The following FOXP2 variants were observed in gnomAD, a reference collection of about 807,000 sequenced individuals.
FOXP2 encodes the protein forkhead box protein P2.
A neutral mutation model predicts 115.8 loss-of-function variants in FOXP2; 12 were observed. That is an observed-to-expected ratio of 0.10 (90% CI 0.07 to 0.17). The LOEUF is 0.17. FOXP2 is among the 10% of genes least tolerant of loss of function. FOXP2 has a pLI of 1.00. For missense variants in FOXP2, 629 were observed against 843.5 expected (o/e 0.75, Z 3.15); for synonymous variants, 328 against 297.7 (o/e 1.10, Z -1.05).
chr7:114,149,888 G>A (rs1364286574), intron 1 of FOXP2, among the ~76,000 whole-genome samples: 1 of 151,946 alleles, frequency 6.6e-6, no homozygotes, highest in African/African-American at 2.4e-5. Context: ...TAGTGAAATA[G>A]AGCCAGGAAA....
intron 2 of FOXP2, among the ~76,000 whole-genome samples, chr7:114,375,040 G>A (rs1792107846): frequency 6.6e-6 from 1 of 151,916 alleles, no homozygotes; most frequent in African/African-American, 2.4e-5. Context: ...ACACAGAAAA[G>A]TTATATTTTA....
intron 2 of FOXP2, among the ~76,000 whole-genome samples, chr7:114,488,858 T>G (rs1212150152): frequency 6.6e-6 from 1 of 152,170 alleles, no homozygotes; most frequent in South Asian, 2.1e-4. Flanking sequence ...ACTAAATAAC[T>G]TCTGGGAGGC....
intron 1 of FOXP2, among the ~76,000 whole-genome samples, chr7:114,251,963 C>T (rs2129169591): frequency 6.6e-6 from 1 of 152,224 alleles, no homozygotes; most frequent in Non-Finnish European, 1.5e-5. Flanking sequence ...GAGATACATC[C>T]CATCAATACC....
intron 2 of FOXP2, among the ~76,000 whole-genome samples, chr7:114,404,345 G>T (rs1295206723): frequency 3.9e-5 from 6 of 152,010 alleles, no homozygotes; most frequent in African/African-American, 1.4e-4. Flanking sequence ...GTTTGTAACG[G>T]AAAATATCCT....
intron 2 of FOXP2, among the ~76,000 whole-genome samples, chr7:114,354,783 T>A: frequency 6.6e-6 from 1 of 152,166 alleles, no homozygotes; most frequent in East Asian, 1.9e-4. Flanking sequence ...AGTTTTGAAA[T>A]CACATATATG....
chr7:114,608,105 TA>T (rs1179926866), intron 3 of FOXP2, among the ~76,000 whole-genome samples: 8 of 152,240 alleles, frequency 5.3e-5, no homozygotes, highest in Non-Finnish European at 1.0e-4. Context: ...GTCTCTGAAC[TA>T]AAAATTTTAT....
At chr7:114,416,015 G>C (rs920597668) in intron 1 of FOXP2, among the ~76,000 whole-genome samples, 2 of 151,914 alleles carry the variant, frequency 1.3e-5, no homozygotes, top group African/African-American at 4.8e-5. Flanking sequence ...GTAATTTTTA[G>C]AAACTGCATT....
At chr7:114,642,793 TATA>T (rs1805620939) in intron 7 of FOXP2, among the ~76,000 whole-genome samples, 170 bp downstream of exon 7, 1 of 35,346 alleles carries the variant, frequency 2.8e-5, no homozygotes, top group Non-Finnish European at 6.9e-5. Context: ...TATATATATA[TATA>T]TATATATATA....
chr7:114,175,861 A>C (rs772453629), intron 1 of FOXP2, among the ~76,000 whole-genome samples: 6 of 152,230 alleles, frequency 3.9e-5, no homozygotes, highest in Non-Finnish European at 8.8e-5. Flanking sequence ...AAACATACAG[A>C]AAATGAAATA....
intron 1 of FOXP2, among the ~76,000 whole-genome samples, chr7:114,239,261 T>A (rs957020876): frequency 3.9e-5 from 6 of 152,086 alleles, no homozygotes. Flanking sequence ...CAGTAGTAAA[T>A]GTAACATGTA....
At chr7:114,125,821 A>G (rs982697498) in intron 1 of FOXP2, among the ~76,000 whole-genome samples, 1 of 152,148 alleles carries the variant, frequency 6.6e-6, no homozygotes, top group Non-Finnish European at 1.5e-5. Context: ...CAATTTGTGC[A>G]CATGCCTACA....
intron 2 of FOXP2, among the ~76,000 whole-genome samples, chr7:114,516,963 G>A (rs1453645214): frequency 6.6e-6 from 1 of 151,940 alleles, no homozygotes; most frequent in Non-Finnish European, 1.5e-5. Context: ...AAAAGTGCTG[G>A]GATTACAGGT....
intron 3 of FOXP2, among the ~76,000 whole-genome samples, chr7:114,580,797 G>C (rs747678551): frequency 1.3e-5 from 2 of 152,102 alleles, no homozygotes; most frequent in Non-Finnish European, 2.9e-5. Context: ...AGTTGAAAGT[G>C]ACAATCGGTT....
At chr7:114,137,969 G>A (rs1180245485) in intron 1 of FOXP2, among the ~76,000 whole-genome samples, 1 of 152,084 alleles carries the variant, frequency 6.6e-6, no homozygotes, top group Non-Finnish European at 1.5e-5. Flanking sequence ...GATCCTTAGA[G>A]AAATAGGGCT....
At chr7:114,105,972 C>G (rs1461419950) in intron 1 of FOXP2, among the ~76,000 whole-genome samples, 1 of 151,966 alleles carries the variant, frequency 6.6e-6, no homozygotes, top group Non-Finnish European at 1.5e-5. Flanking sequence ...ATGTTAACTG[C>G]CTGGAAAGCA....
At chr7:114,593,434 T>C (rs1802539251) in intron 3 of FOXP2, among the ~76,000 whole-genome samples, 1 of 152,030 alleles carries the variant, frequency 6.6e-6, no homozygotes, top group Non-Finnish European at 1.5e-5. Context: ...CCATTCTATG[T>C]GTGGGCATTT....
chr7:114,135,678 A>C (rs994656219), intron 1 of FOXP2, among the ~76,000 whole-genome samples: 2 of 152,152 alleles, frequency 1.3e-5, no homozygotes, highest in Non-Finnish European at 2.9e-5. Flanking sequence ...TCAGTGACCC[A>C]AGTAGTGTTA....
intron 1 of FOXP2, among the ~76,000 whole-genome samples, chr7:114,245,634 A>G (rs1280607646): frequency 6.6e-6 from 1 of 152,144 alleles, no homozygotes; most frequent in East Asian, 1.9e-4. Flanking sequence ...TTGGCATTTT[A>G]GTTCCCTCAT....
chr7:114,523,083 G>C (rs915751533), intron 2 of FOXP2, among the ~76,000 whole-genome samples: 1 of 151,272 alleles, frequency 6.6e-6, no homozygotes, highest in Admixed American at 6.6e-5. Context: ...TCAGTAATTG[G>C]TTCTTTGTGG....
Sources: gnomAD v4.1 joint callset for allele counts (sites outside exome capture counted in the v4.1 genomes callset) on GRCh38, gnomAD v4.1.1 for gene constraint, MANE v1.5 for transcripts, NCBI Gene and HGNC (gene_info 2026-07-23, HGNC 2026-07-21) for gene names.